The following EEF2K variants were observed in gnomAD, a reference collection of about 807,000 sequenced individuals.
The protein encoded by EEF2K is eukaryotic elongation factor 2 kinase.
EEF2K carries 70 observed loss-of-function variants against 93.8 expected under a neutral mutation model. The ratio of observed to expected loss-of-function variants is 0.75; its 90% CI spans 0.62 to 0.91. The LOEUF (loss-of-function observed/expected upper bound fraction) is 0.91. EEF2K is among the 40% of genes least tolerant of loss of function. The pLI, the probability that EEF2K is intolerant of heterozygous loss-of-function variation, is 0.00. For missense variants in EEF2K, 935 were observed against 972.9 expected (o/e 0.96, Z 0.52); for synonymous variants, 376 against 380.8 (o/e 0.99, Z 0.15).
intron 9 of EEF2K, among the ~76,000 whole-genome samples, chr16:22,258,055 G>GGT (rs746096869): frequency 8.6e-5 from 13 of 151,940 alleles, no homozygotes; most frequent in Admixed American, 2.0e-4. Context: ...GAAGGCATGT[G>GGT]GTGTGTGTGT....
intron 2 of EEF2K, among the ~76,000 whole-genome samples, chr16:22,239,264 G>A (rs2047198001): frequency 1.3e-5 from 2 of 152,172 alleles, no homozygotes; most frequent in Admixed American, 1.3e-4. Context: ...CAGCCAGGAG[G>A]TAATTTCTGT....
rs988974719 is a variant in EEF2K, at chr16:22,257,788, C to T, written c.1029+18C>T. On this transcript the variant is annotated intron_variant, in intron 9 of 17. Transcript: ENST00000263026. ...AGCTGCTGGTGGGTGCCCAGTGTGA[C>T]CCTGCTTGGCCTGGCAGGCCCTTCT... 3.5e-5 allele frequency: 57 copies of T among 1,611,202 alleles called. No homozygotes were observed. Among genetic ancestry groups the T allele is most frequent in the Non-Finnish European group, 4.2e-5 (50 of 1,178,910 alleles).
At chr16:22,209,797 TTTG>T (rs1044494413) in intron 1 of EEF2K, among the ~76,000 whole-genome samples, 4 of 152,140 alleles carry the variant, frequency 2.6e-5, no homozygotes, top group East Asian at 1.9e-4. Flanking sequence ...AGGCTTCTTT[TTTG>T]TTGTTGTTTT....
At chr16:22,232,194 C>T (rs953030405) in intron 2 of EEF2K, among the ~76,000 whole-genome samples, 28 of 151,976 alleles carry the variant, frequency 1.8e-4, no homozygotes, top group African/African-American at 6.5e-4. Flanking sequence ...ATCAAAATTA[C>T]AGTTCTGCCT....
At chr16:22,258,752 C>T (rs1227103521) in intron 10 of EEF2K, 57 bp downstream of exon 10, 1 of 1,591,396 alleles carries the variant, frequency 6.3e-7, no homozygotes, top group African/African-American at 1.3e-5. Context: ...TGGAGCAGAG[C>T]TAAACCAGCT....
chr16:22,263,589 A>G (rs1336716827), intron 12 of EEF2K, among the ~76,000 whole-genome samples: 2 of 152,386 alleles, frequency 1.3e-5, no homozygotes, highest in East Asian at 3.9e-4. Context: ...AGCCTGGGTG[A>G]CACAGTGAAC....
At chr16:22,242,592 G>C (rs1170786947) in intron 2 of EEF2K, among the ~76,000 whole-genome samples, 1 of 151,740 alleles carries the variant, frequency 6.6e-6, no homozygotes, top group Admixed American at 6.6e-5. Context: ...GATTACAGGC[G>C]TGAGCCACCA....
At chr16:22,279,679 C>A (rs1319581624) in intron 16 of EEF2K, among the ~76,000 whole-genome samples, 1 of 151,904 alleles carries the variant, frequency 6.6e-6, no homozygotes, top group East Asian at 1.9e-4. Flanking sequence ...CTCTACGTTG[C>A]CTGGGCTGGT....
chr16:22,210,416 GA>G (rs2046904119), intron 1 of EEF2K, among the ~76,000 whole-genome samples: 2 of 152,184 alleles, frequency 1.3e-5, no homozygotes, highest in Admixed American at 6.5e-5. Context: ...TTGATTGCTG[GA>G]CCCATCCCCA....
At chr16:22,277,144 T>C (rs750771896) in intron 16 of EEF2K, among the ~76,000 whole-genome samples, 15 of 152,294 alleles carry the variant, frequency 9.8e-5, no homozygotes, top group Middle Eastern at 3.4e-3. Context: ...CTTTTATTTA[T>C]TTATTTATTT....
chr16:22,214,017 C>T (rs1446135631), intron 1 of EEF2K, among the ~76,000 whole-genome samples: 1 of 152,190 alleles, frequency 6.6e-6, no homozygotes, highest in Admixed American at 6.5e-5. Context: ...TTTCTGCCTG[C>T]CGCAGACAGT....
intron 1 of EEF2K, among the ~76,000 whole-genome samples, chr16:22,212,355 G>C (rs2046922911): frequency 6.7e-6 from 1 of 149,872 alleles, no homozygotes; most frequent in African/African-American, 2.5e-5. Flanking sequence ...ACAGAGTCTT[G>C]CTGTGTCACC....
intron 1 of EEF2K, among the ~76,000 whole-genome samples, chr16:22,207,320 G>T (rs1226805989): frequency 2.0e-5 from 3 of 152,162 alleles, no homozygotes; most frequent in African/African-American, 7.2e-5. Flanking sequence ...CAGATGGGCC[G>T]CATGGGGAAG....
intron 15 of EEF2K, among the ~76,000 whole-genome samples, chr16:22,269,267 C>T (rs981098960): frequency 6.6e-6 from 1 of 152,060 alleles, no homozygotes. Context: ...CAATCTTCAG[C>T]GTTCTTGGCT....
intron 16 of EEF2K, among the ~76,000 whole-genome samples, chr16:22,278,331 A>C (rs1302640558): frequency 6.6e-6 from 1 of 152,226 alleles, no homozygotes; most frequent in Non-Finnish European, 1.5e-5. Context: ...CACCTCTCAA[A>C]GATCCCAACT....
intron 6 of EEF2K, among the ~76,000 whole-genome samples, chr16:22,252,697 G>A (rs1213750348): frequency 1.3e-5 from 2 of 152,190 alleles, no homozygotes; most frequent in African/African-American, 4.8e-5. Context: ...TTCTGATAAA[G>A]ACATACCCAA....
intron 2 of EEF2K, among the ~76,000 whole-genome samples, chr16:22,228,250 C>CT (rs2141654044): frequency 6.6e-6 from 1 of 152,210 alleles, no homozygotes; most frequent in South Asian, 2.1e-4. Context: ...TAATTTGTCA[C>CT]TGATTATGAG....
At chr16:22,267,184 G>T (rs562788942) in intron 15 of EEF2K, among the ~76,000 whole-genome samples, 63 of 152,270 alleles carry the variant, frequency 4.1e-4, no homozygotes, top group Non-Finnish European at 7.4e-4. Context: ...TGTAACTGGG[G>T]CCTGGAGGGG....
At chr16:22,278,587 AG>A (rs2047663536) in intron 16 of EEF2K, among the ~76,000 whole-genome samples, 1 of 152,164 alleles carries the variant, frequency 6.6e-6, no homozygotes, top group Non-Finnish European at 1.5e-5. Flanking sequence ...CCTGTCAGAC[AG>A]GGCCGCAGAG....
Sources: allele counts gnomAD v4.1 joint callset (sites outside exome capture counted in the v4.1 genomes callset), GRCh38; gene constraint gnomAD v4.1.1; transcripts MANE v1.5; gene names NCBI Gene and HGNC (gene_info 2026-07-23, HGNC 2026-07-21).